The following GTF2A2 variants were observed in gnomAD, a reference collection of about 807,000 sequenced individuals.
The protein encoded by GTF2A2 is transcription initiation factor IIA subunit 2.
In GTF2A2, 9 loss-of-function variants were observed where a neutral mutation model predicts 14.3. That is an observed-to-expected ratio of 0.63 (90% CI 0.38 to 1.10). The LOEUF (loss-of-function observed/expected upper bound fraction) is 1.10. Ranked by LOEUF, GTF2A2 falls within the 50% of genes least tolerant of loss-of-function variation. The pLI, the probability that GTF2A2 is intolerant of heterozygous loss-of-function variation, is 0.01. For synonymous variants in GTF2A2, 56 were observed against 46.0 expected (o/e 1.22, Z -0.88); for missense variants, 90 against 124.6 (o/e 0.72, Z 1.32).
At chr15:59,650,631 A>G (rs1315866478) in intron 3 of GTF2A2, 38 bp downstream of exon 3, 2 of 1,148,202 alleles carry the variant, frequency 1.7e-6, no homozygotes, top group East Asian at 2.3e-5. Context: ...TTTAACAACC[A>G]TTGGTACAGG....
chr15:59,640,555 C>T (rs373692194), intron 4 of GTF2A2, among the ~76,000 whole-genome samples: 2 of 152,144 alleles, frequency 1.3e-5, no homozygotes, highest in Non-Finnish European at 2.9e-5. Flanking sequence ...GCTGCCCATA[C>T]CCACATTTCA....
intron 1 of GTF2A2, among the ~76,000 whole-genome samples, chr15:59,653,856 CAT>C (rs1891865890): frequency 1.3e-5 from 2 of 152,284 alleles, no homozygotes; most frequent in South Asian, 4.1e-4. Flanking sequence ...TAACAGTAAA[CAT>C]AGTCTTCCTG....
chr15:59,651,056 G>A, intron 2 of GTF2A2: 1 of 243,642 alleles, frequency 4.1e-6, no homozygotes, highest in Non-Finnish European at 7.9e-6. Flanking sequence ...GAAAGGAGAA[G>A]ATAGACAAAG....
chr15:59,640,846 ACC>A (rs1891394061), intron 4 of GTF2A2, among the ~76,000 whole-genome samples: 1 of 3,666 alleles, frequency 2.7e-4, no homozygotes, highest in Admixed American at 5.2e-3. Context: ...TTTAAAAAAG[ACC>A]CAAATATTGT....
intron 4 of GTF2A2, 34 bp downstream of exon 4, chr15:59,642,102 A>C: frequency 6.4e-7 from 1 of 1,572,816 alleles, no homozygotes; most frequent in Non-Finnish European, 8.6e-7. Flanking sequence ...ACAAGGTTTC[A>C]AGTAGCTTTC....
Position 59,638,129 on chromosome 15 carries a change from C to G in GTF2A2, c.*1003G>C, listed in dbSNP as rs1311321153. On this transcript the variant is annotated 3_prime_UTR_variant, in exon 5 of 5. Transcript: ENST00000396060. ...ATATTGGCCAGGCTGGTCTCCAACT[C>G]CTGGACTCAAGTAATCCTCCAGTCT... The G allele has an allele frequency of 6.6e-6, 1 of 152,120 alleles. No individual in the cohort carries two copies. The highest frequency in any genetic ancestry group is 6.6e-5 in the Admixed American group (1 of 15,258). The allele number at this position is 152,120 out of a possible 1,614,324, so 9.4% of individuals were successfully genotyped here.
intron 1 of GTF2A2, among the ~76,000 whole-genome samples, chr15:59,653,334 G>A (rs1303405987): frequency 1.3e-5 from 2 of 152,106 alleles, no homozygotes; most frequent in African/African-American, 2.4e-5. Flanking sequence ...AGATGGATGG[G>A]GGAAAATACA....
chr15:59,644,944 C>G (rs1315235128), intron 3 of GTF2A2, among the ~76,000 whole-genome samples: 1 of 152,122 alleles, frequency 6.6e-6, no homozygotes, highest in East Asian at 1.9e-4. Flanking sequence ...AGGAGTATGA[C>G]TAAAGGAAGT....
chr15:59,653,566 T>A (rs1402450635), intron 1 of GTF2A2, among the ~76,000 whole-genome samples: 1 of 152,028 alleles, frequency 6.6e-6, no homozygotes, highest in Non-Finnish European at 1.5e-5. Context: ...TTGTAACTGT[T>A]GAACTGCCCT....
chr15:59,646,310 C>G (rs1402237154), intron 3 of GTF2A2, among the ~76,000 whole-genome samples: 1 of 152,192 alleles, frequency 6.6e-6, no homozygotes, highest in African/African-American at 2.4e-5. Flanking sequence ...CCTGCCTTGG[C>G]CTCCCAAAGT....
intron 3 of GTF2A2, among the ~76,000 whole-genome samples, chr15:59,647,601 T>C (rs1286285978): frequency 2.0e-5 from 3 of 152,126 alleles, no homozygotes; most frequent in African/African-American, 4.8e-5. Flanking sequence ...TTTTTTAAGA[T>C]ACAGTCTCAC....
In GTF2A2 at chr15:59,638,932, A is replaced by G. The variant is rs4232; in HGVS notation, c.*200T>C. On this transcript the variant is annotated 3_prime_UTR_variant, in exon 5 of 5. Coordinates refer to ENST00000396060, the MANE Select transcript of GTF2A2 (RefSeq NM_004492.3). Reference sequence around the variant, plus strand: ...AGGCAACAACTTTTGTCCTTAAAAAAAAGTTATGGTTTTTCATGCTGTATA... The same window carrying G: ...AGGCAACAACTTTTGTCCTTAAAAAGAAGTTATGGTTTTTCATGCTGTATA... 0.65 allele frequency: 311,590 copies of G among 480,898 alleles called. 102,599 individuals carry two copies. The highest frequency in any genetic ancestry group is 0.73 in the African/African-American group (36,485 of 50,028). The allele number at this position is 480,898 out of a possible 1,614,324, so 29.8% of individuals were successfully genotyped here. A position where few individuals can be genotyped will look rare whatever the true frequency, so the allele number is the denominator to read the frequency against.
intron 1 of GTF2A2, among the ~76,000 whole-genome samples, chr15:59,655,162 G>A (rs1444274442): frequency 6.6e-6 from 1 of 152,002 alleles, no homozygotes; most frequent in African/African-American, 2.4e-5. Context: ...CCCTCTCTGC[G>A]GATCATTTCC....
chr15:59,640,691 A>G (rs1483412460), intron 4 of GTF2A2, among the ~76,000 whole-genome samples: 1 of 152,158 alleles, frequency 6.6e-6, no homozygotes, highest in African/African-American at 2.4e-5. Context: ...TTATAAATTA[A>G]TCCCTGAATT....
chr15:59,652,428 G>C (rs1041983288), intron 1 of GTF2A2, 102 bp from the exon 2 acceptor site: 16 of 567,100 alleles, frequency 2.8e-5, no homozygotes, highest in Non-Finnish European at 4.6e-5. Context: ...AGAACTAGGA[G>C]AACGCTTAGT....
chr15:59,650,529 A>G, intron 3 of GTF2A2, 140 bp downstream of exon 3: 1 of 544,088 alleles, frequency 1.8e-6, no homozygotes, highest in Non-Finnish European at 3.3e-6. Context: ...AGTATAATTT[A>G]GTTACTATAA....
chr15:59,640,304 C>G (rs1209069042), intron 4 of GTF2A2: 1 of 152,144 alleles, frequency 6.6e-6, no homozygotes, highest in Non-Finnish European at 1.5e-5. Context: ...ACAGGAGCTC[C>G]TATCAGTAAA....
intron 1 of GTF2A2, chr15:59,657,070 C>A (rs1055306296): frequency 3.3e-5 from 5 of 152,366 alleles, no homozygotes; most frequent in African/African-American, 1.2e-4. Flanking sequence ...AAAAAATGCT[C>A]TCCGAAATTC....
intron 4 of GTF2A2, among the ~76,000 whole-genome samples, chr15:59,641,889 T>C (rs1891440758): frequency 6.6e-6 from 1 of 152,220 alleles, no homozygotes; most frequent in Non-Finnish European, 1.5e-5. Flanking sequence ...CAAATGCTTA[T>C]TAATTTGCTT....
Sources: allele counts gnomAD v4.1 joint callset (sites outside exome capture counted in the v4.1 genomes callset), GRCh38; gene constraint gnomAD v4.1.1; transcripts MANE v1.5; gene names NCBI Gene and HGNC (gene_info 2026-07-23, HGNC 2026-07-21).